OLFM3: variants seen among roughly 807,000 people sequenced by gnomAD.
OLFM3 encodes noelin-3.
OLFM3 carries 20 observed loss-of-function variants against 48.6 expected under a neutral mutation model. The ratio of observed to expected loss-of-function variants is 0.41; its 90% CI spans 0.29 to 0.60. The LOEUF (loss-of-function observed/expected upper bound fraction) is 0.60, where lower values mean the gene tolerates loss of function less well. Among genes scored for constraint, OLFM3 ranks in the 20% least tolerant of loss-of-function variants. The pLI is 0.28. For missense variants in OLFM3, 437 were observed against 544.3 expected, an observed-to-expected ratio of 0.80 and a Z score of 1.96; for synonymous variants, 222 against 198.1, an observed-to-expected ratio of 1.12 and a Z score of -1.01.
intron 1 of OLFM3, among the ~76,000 whole-genome samples, chr1:101,908,876 TC>T (rs1185309716): frequency 6.6e-6 from 1 of 152,100 alleles, no homozygotes; most frequent in African/African-American, 2.4e-5. Context: ...AAATAAAGTT[TC>T]CCCTACAGGG....
chr1:101,940,585 A>T (rs1659762946), intron 1 of OLFM3, among the ~76,000 whole-genome samples: 2 of 151,730 alleles, frequency 1.3e-5, no homozygotes. Flanking sequence ...TGCTACAGCA[A>T]GTCCCAGCTA....
At chr1:101,963,106 A>C (rs1298239872) in intron 1 of OLFM3, among the ~76,000 whole-genome samples, 1 of 152,140 alleles carries the variant, frequency 6.6e-6, no homozygotes, top group Non-Finnish European at 1.5e-5. Flanking sequence ...ACCTGGCACC[A>C]CACCTTCAGA....
chr1:101,975,201 G>A (rs185688830), intron 1 of OLFM3, among the ~76,000 whole-genome samples: 616 of 152,210 alleles, frequency 4.0e-3, no homozygotes, highest in Middle Eastern at 0.014. Flanking sequence ...ACAGTGGTGC[G>A]GATATTGTCA....
intron 1 of OLFM3, among the ~76,000 whole-genome samples, chr1:101,840,497 T>C (rs978825004): frequency 2.2e-4 from 32 of 147,280 alleles, no homozygotes; most frequent in African/African-American, 8.0e-4. Flanking sequence ...TTGAGACAGG[T>C]TCTCGCTCTG....
At chr1:101,914,014 T>C (rs1028084349) in intron 1 of OLFM3, among the ~76,000 whole-genome samples, 1 of 152,212 alleles carries the variant, frequency 6.6e-6, no homozygotes, top group Non-Finnish European at 1.5e-5. Context: ...AAATTAGACA[T>C]GTAAAACTAA....
chr1:101,906,514 G>A (rs1396148158), intron 1 of OLFM3, among the ~76,000 whole-genome samples: 1 of 152,092 alleles, frequency 6.6e-6, no homozygotes, highest in African/African-American at 2.4e-5. Context: ...TGATTAGAAA[G>A]ATAAATGGTC....
intron 1 of OLFM3, among the ~76,000 whole-genome samples, chr1:101,966,674 A>G (rs1269016382): frequency 6.6e-6 from 1 of 152,190 alleles, no homozygotes; most frequent in East Asian, 1.9e-4. Context: ...AGTTAGAGCT[A>G]GGGAAGAGAA....
chr1:101,980,838 A>G (rs1239013272), intron 1 of OLFM3, among the ~76,000 whole-genome samples: 1 of 152,086 alleles, frequency 6.6e-6, no homozygotes, highest in Non-Finnish European at 1.5e-5. Context: ...AAACCTTTTC[A>G]TAGGGTCAGT....
chr1:101,925,083 G>A (rs549406422), intron 1 of OLFM3, among the ~76,000 whole-genome samples: 1 of 152,222 alleles, frequency 6.6e-6, no homozygotes, highest in Admixed American at 6.5e-5. Context: ...TGAATAAGGA[G>A]GAGGAAGAGA....
chr1:101,890,471 T>C (rs931851476), intron 1 of OLFM3, among the ~76,000 whole-genome samples: 1 of 151,996 alleles, frequency 6.6e-6, no homozygotes, highest in African/African-American at 2.4e-5. Flanking sequence ...TTTTTAGACT[T>C]TTCTATAATT....
chr1:101,881,826 A>G (rs1274880187), intron 1 of OLFM3, among the ~76,000 whole-genome samples: 1 of 151,440 alleles, frequency 6.6e-6, no homozygotes, highest in Non-Finnish European at 1.5e-5. Flanking sequence ...GTGGTAGAAT[A>G]TACTATAATA....
intron 1 of OLFM3, among the ~76,000 whole-genome samples, chr1:101,846,545 A>AT (rs1297970329): frequency 6.6e-6 from 1 of 151,898 alleles, no homozygotes; most frequent in African/African-American, 2.4e-5. Context: ...CAAAACATAT[A>AT]TATATATATA....
chr1:101,982,068 G>C (rs10430070), intron 1 of OLFM3, among the ~76,000 whole-genome samples: 1 of 151,908 alleles, frequency 6.6e-6, no homozygotes, highest in Non-Finnish European at 1.5e-5. Flanking sequence ...TAAATTGAAG[G>C]CCAGTTTAAT....
chr1:101,941,315 CGTGGCTCAGGGT>C (rs1276752952), intron 1 of OLFM3, among the ~76,000 whole-genome samples: 3 of 152,094 alleles, frequency 2.0e-5, no homozygotes, highest in Non-Finnish European at 4.4e-5. Context: ...TAATGGCAGT[CGTGGCTCAGGGT>C]GTGGCTCAGC....
intron 1 of OLFM3, among the ~76,000 whole-genome samples, chr1:101,952,087 C>A (rs1364892209): frequency 6.6e-6 from 1 of 152,038 alleles, no homozygotes; most frequent in Non-Finnish European, 1.5e-5. Flanking sequence ...GATCAAAAGT[C>A]ACTATTTATT....
intron 1 of OLFM3, among the ~76,000 whole-genome samples, chr1:101,986,887 A>G (rs1038516450): frequency 2.0e-5 from 3 of 152,088 alleles, no homozygotes; most frequent in African/African-American, 7.2e-5. Flanking sequence ...GGATGTAGGA[A>G]GCAATAAAGT....
At chr1:101,982,881 T>A (rs1661139809) in intron 1 of OLFM3, among the ~76,000 whole-genome samples, 1 of 149,010 alleles carries the variant, frequency 6.7e-6, no homozygotes, top group Non-Finnish European at 1.5e-5. Context: ...TTATAATGAG[T>A]CTCACTCTCT....
intron 4 of OLFM3, among the ~76,000 whole-genome samples, chr1:101,807,095 A>G (rs1229475743): frequency 6.6e-6 from 1 of 151,740 alleles, no homozygotes; most frequent in Non-Finnish European, 1.5e-5. Flanking sequence ...GTCACTTATT[A>G]TGCTTATCTT....
chr1:101,950,104 A>G (rs1660090414), intron 1 of OLFM3, among the ~76,000 whole-genome samples: 1 of 151,554 alleles, frequency 6.6e-6, no homozygotes, highest in African/African-American at 2.4e-5. Flanking sequence ...AAATTTACTT[A>G]CCATATTTAA....
Sources: allele counts gnomAD v4.1 joint callset (sites outside exome capture counted in the v4.1 genomes callset), GRCh38; gene constraint gnomAD v4.1.1; transcripts MANE v1.5; gene names NCBI Gene and HGNC (gene_info 2026-07-23, HGNC 2026-07-21).